VWA5B1: variants seen among roughly 807,000 people sequenced by gnomAD.
VWA5B1 encodes von Willebrand factor A domain containing 5B1.
Under a neutral mutation model 118.2 loss-of-function variants are expected in VWA5B1, and 115 were observed. That is an observed-to-expected ratio of 0.97 (90% CI 0.84 to 1.14). The LOEUF is 1.14. VWA5B1 is among the 50% of genes most tolerant of loss of function. VWA5B1 has a pLI of 0.00. For missense variants in VWA5B1, 1,596 were observed against 1,603.8 expected (o/e 1.00, Z 0.08); for synonymous variants, 682 against 658.4 (o/e 1.04, Z -0.55).
At chr1:20,325,931 C>T (rs543601403) in intron 8 of VWA5B1, among the ~76,000 whole-genome samples, 50 of 152,232 alleles carry the variant, frequency 3.3e-4, no homozygotes, top group African/African-American at 1.2e-3. Flanking sequence ...AAATAGAAAT[C>T]CAAAGAGCTT....
intron 1 of VWA5B1, among the ~76,000 whole-genome samples, chr1:20,304,246 A>G (rs2088580482): frequency 6.6e-6 from 1 of 152,048 alleles, no homozygotes; most frequent in South Asian, 2.1e-4. Flanking sequence ...CCCGGAGGAG[A>G]GCGTGTCTGA....
At chr1:20,351,047 C>G (rs535612560) in intron 20 of VWA5B1, 121 bp downstream of exon 20, 1 of 946,524 alleles carries the variant, frequency 1.1e-6, no homozygotes, top group Non-Finnish European at 1.6e-6. Flanking sequence ...AGGCAGGTGT[C>G]GTAAAGAAGG....
In VWA5B1 at chr1:20,345,453, C is replaced by T. The variant is rs983284699; in HGVS notation, c.2627-3C>T. On this transcript the variant is annotated splice_region_variant and splice_polypyrimidine_tract_variant and intron_variant, in intron 16 of 21. Transcript: ENST00000289815. ...ACAGTGACCCCAGTTTCTCCCTCCACAGGGTCCAACCGCCGCTACCAAGTG... is the reference window on the plus strand; with the variant it reads ...ACAGTGACCCCAGTTTCTCCCTCCATAGGGTCCAACCGCCGCTACCAAGTG... 4 of 1,550,804 alleles carry T rather than the reference C, an allele frequency of 2.6e-6. No individual in the cohort carries two copies. In the African/African-American group the frequency reaches 5.5e-5, roughly 21 times the overall value.
At chr1:20,318,522 C>A (rs1173485627) in intron 5 of VWA5B1, 68 bp from the exon 6 acceptor site, 6 of 1,542,142 alleles carry the variant, frequency 3.9e-6, no homozygotes, top group South Asian at 1.2e-5. Context: ...TCTCGGTGTG[C>A]CCCAGCGAAC....
chr1:20,313,054 G>T, intron 3 of VWA5B1, 66 bp downstream of exon 3: 6 of 1,523,246 alleles, frequency 3.9e-6, no homozygotes, highest in Non-Finnish European at 5.3e-6. Context: ...CTGGGCTGGA[G>T]CCTCAGGCCA....
At chr1:20,307,532 G>A (rs78812777) in intron 1 of VWA5B1, among the ~76,000 whole-genome samples, 24,197 of 152,238 alleles carry the variant, frequency 0.16, 2,758 homozygotes, top group African/African-American at 0.32. Flanking sequence ...GGTTTTATGA[G>A]GATTAAATGA....
At chr1:20,349,031 A>C in intron 18 of VWA5B1, 1 of 270,950 alleles carries the variant, frequency 3.7e-6, no homozygotes, top group South Asian at 3.4e-5. Context: ...GTGCAGGAGG[A>C]AGACATCAGA....
Position 20,314,352 on chromosome 1 carries a change from C to A in VWA5B1, c.323C>A (p.Ala108Asp). ...GNILQDGVSI[A>D]PHSCTPGKVT... ...ATTCTGCAAGACGGGGTTTCCATAG[C>A]CCCTCATTCCTGCACACCGGGAAAG... Residue 108 changes from alanine (A) to aspartate (D), a missense_variant, in exon 4 of 22, where the codon GCC becomes GAC. By Grantham distance (126) the Ala-to-Asp change is moderately radical (BLOSUM62 -2). Coordinates refer to ENST00000289815, the MANE Select transcript of VWA5B1 (RefSeq NM_001039500.3). 6.4e-7 allele frequency: 1 copy of A among 1,551,944 alleles called. No homozygotes were observed. Among genetic ancestry groups the A allele is most frequent in the Non-Finnish European group, 8.7e-7 (1 of 1,147,046 alleles).
intron 1 of VWA5B1, among the ~76,000 whole-genome samples, chr1:20,296,096 C>T (rs1024932882): frequency 2.6e-5 from 4 of 152,188 alleles, no homozygotes; most frequent in African/African-American, 4.8e-5. Context: ...CTCCTGACCT[C>T]AGGTGATCCG....
At chr1:20,349,466 G>A (rs1052108221) in intron 18 of VWA5B1, among the ~76,000 whole-genome samples, 4 of 151,712 alleles carry the variant, frequency 2.6e-5, no homozygotes, top group Admixed American at 1.3e-4. Context: ...TCACTGCAAC[G>A]TCCACCTCCT....
At chr1:20,307,396 G>A (rs1348668296) in intron 1 of VWA5B1, among the ~76,000 whole-genome samples, 2 of 152,194 alleles carry the variant, frequency 1.3e-5, no homozygotes, top group Non-Finnish European at 2.9e-5. Context: ...GCCCCTCCCA[G>A]GAGAAAGTCC....
rs573890150 is a variant in VWA5B1 at position 20,336,873 on chromosome 1, TAGAA to T, written c.1942+390_1942+393del. ...GAGATACATCTGGCACTAACTCTGA[TAGAA>T]AGCAGAGTGACAGGGTGCCAGGGAC... On this transcript the variant is annotated intron_variant, in intron 13 of 21. Transcript: ENST00000289815. Among the ~76,000 whole-genome samples, 5 of 152,258 alleles carry T rather than the reference TAGAA, an allele frequency of 3.3e-5. No individual in the cohort carries two copies. In the South Asian group the frequency reaches 8.3e-4, roughly 25 times the overall value.
chr1:20,345,574 G>A lies in VWA5B1; in HGVS notation c.2745G>A (p.Val915=), dbSNP rs2089990283. 1 of 1,549,838 alleles carries A rather than the reference G, an allele frequency of 6.5e-7. No homozygotes were observed. The highest frequency in any genetic ancestry group is 1.4e-5 in the African/African-American group (1 of 73,016). The stretch of plus-strand genomic sequence containing the variant: ...GCAAGAGCCGGTACCTGCCCACCGT[G>A]GTGGAGTACCCCAACTCTGGTAAGG... ...DVSKSRYLPT[V]VEYPNSGAAL... is the part of the protein sequence containing the mutation. The change falls in exon 17 of 22, where the codon GTG becomes GTA. Residue 915 remains valine (V), a synonymous_variant. Coordinates refer to ENST00000289815, the MANE Select transcript of VWA5B1 (RefSeq NM_001039500.3).
rs1241077884 is a variant in VWA5B1, at chr1:20,318,800, C to T, written c.841+79C>T. 12 of 1,407,526 alleles carry T rather than the reference C, an allele frequency of 8.5e-6. 1 individual carries two copies. The East Asian group carries it at 1.3e-4, about 16-fold the overall frequency. 87.2% of individuals were successfully genotyped at this position (1,407,526 alleles called of 1,614,324 possible). On this transcript the variant is annotated intron_variant, in intron 6 of 21. Coordinates refer to ENST00000289815, the MANE Select transcript of VWA5B1 (RefSeq NM_001039500.3). ...GATCCTGTGGGGACAGAACATGTGG[C>T]CCCCCGCCCAGCAGCTAGCTAGCCA...
chr1:20,329,250 A>G (rs1015148951), intron 9 of VWA5B1, among the ~76,000 whole-genome samples: 2 of 139,986 alleles, frequency 1.4e-5, no homozygotes, highest in African/African-American at 5.4e-5. Flanking sequence ...CTTTTGAAAC[A>G]TGCCATTACT....
chr1:20,305,369 C>G (rs1173819541), intron 1 of VWA5B1, among the ~76,000 whole-genome samples: 2 of 152,028 alleles, frequency 1.3e-5, no homozygotes, highest in African/African-American at 4.8e-5. Context: ...CCCAAGCATG[C>G]TCGAGTCACC....
intron 14 of VWA5B1, chr1:20,338,843 T>C (rs973123754): frequency 2.6e-5 from 4 of 152,086 alleles, no homozygotes; most frequent in African/African-American, 9.7e-5. Context: ...TTTTTGTATT[T>C]TTAGTAGAGA....
chr1:20,342,670 C>A, intron 15 of VWA5B1, 61 bp downstream of exon 15: 3 of 1,437,424 alleles, frequency 2.1e-6, no homozygotes, highest in Non-Finnish European at 2.7e-6. Context: ...GGCTGTTGTT[C>A]AACTTCAGAT....
intron 13 of VWA5B1, among the ~76,000 whole-genome samples, 182 bp downstream of exon 13, chr1:20,336,668 A>C (rs1262206994): frequency 6.6e-6 from 1 of 152,214 alleles, no homozygotes; most frequent in African/African-American, 2.4e-5. Context: ...CTCATAGAGC[A>C]ATAGGTAGAG....
Sources: gnomAD v4.1 joint callset for allele counts (sites outside exome capture counted in the v4.1 genomes callset) on GRCh38, gnomAD v4.1.1 for gene constraint, MANE v1.5 for transcripts, NCBI Gene and HGNC (gene_info 2026-07-23, HGNC 2026-07-21) for gene names.